CSNK1G1: variants seen among roughly 807,000 people sequenced by gnomAD.
The protein encoded by CSNK1G1 is casein kinase 1 gamma 1.
Under a neutral mutation model 59.6 loss-of-function variants are expected in CSNK1G1, and 22 were observed. The ratio of observed to expected loss-of-function variants is 0.37; its 90% CI spans 0.26 to 0.53. The LOEUF is 0.53. Among genes scored for constraint, CSNK1G1 ranks in the 20% least tolerant of loss-of-function variants. The pLI is 0.89. For synonymous variants in CSNK1G1, 179 were observed against 177.1 expected, an observed-to-expected ratio of 1.01 and a Z score of -0.08; for missense variants, 384 against 519.5, an observed-to-expected ratio of 0.74 and a Z score of 2.54.
intron 10 of CSNK1G1, among the ~76,000 whole-genome samples, chr15:64,190,157 T>C (rs796321181): frequency 2.6e-5 from 4 of 152,160 alleles, no homozygotes; most frequent in African/African-American, 9.6e-5. Flanking sequence ...CGAAGTCATA[T>C]GGACAAGAGT....
At chr15:64,240,133 C>G (rs1291570714) in intron 4 of CSNK1G1, among the ~76,000 whole-genome samples, 5 of 152,184 alleles carry the variant, frequency 3.3e-5, no homozygotes, top group Admixed American at 6.5e-5. Context: ...ACGCGGGAGG[C>G]TGAGGCAGGA....
At chr15:64,311,698 A>AAAAAAAG (rs1896006900) in intron 1 of CSNK1G1, among the ~76,000 whole-genome samples, 1 of 111,358 alleles carries the variant, frequency 9.0e-6, no homozygotes. Flanking sequence ...AAAAAAAAAA[A>AAAAAAAG]GCCACGGGGT....
intron 10 of CSNK1G1, among the ~76,000 whole-genome samples, chr15:64,187,187 C>A (rs1379765751): frequency 1.3e-5 from 2 of 151,222 alleles, no homozygotes; most frequent in Non-Finnish European, 2.9e-5. Context: ...CTTGTCCAAT[C>A]CATCATGGTT....
At chr15:64,193,699 C>G (rs2082003553) in intron 10 of CSNK1G1, among the ~76,000 whole-genome samples, 2 of 152,106 alleles carry the variant, frequency 1.3e-5, no homozygotes, top group Admixed American at 6.5e-5. Context: ...TATTCCCAGG[C>G]TCAACACTAT....
At chr15:64,340,754 G>A (rs1280105383) in intron 1 of CSNK1G1, among the ~76,000 whole-genome samples, 1 of 152,204 alleles carries the variant, frequency 6.6e-6, no homozygotes, top group African/African-American at 2.4e-5. Flanking sequence ...AGGAGCTCAA[G>A]ACCAGACTGG....
intron 2 of CSNK1G1, among the ~76,000 whole-genome samples, chr15:64,292,925 T>C (rs1320168097): frequency 6.7e-6 from 1 of 149,476 alleles, no homozygotes; most frequent in African/African-American, 2.5e-5. Context: ...AGACTCCATC[T>C]CATAAATAAA....
At chr15:64,299,425 A>G (rs563645404) in intron 2 of CSNK1G1, among the ~76,000 whole-genome samples, 1 of 151,950 alleles carries the variant, frequency 6.6e-6, no homozygotes, top group African/African-American at 2.4e-5. Context: ...TGTCTCTACT[A>G]AAAATACAAA....
chr15:64,289,304 T>G (rs1343192974), intron 2 of CSNK1G1, among the ~76,000 whole-genome samples: 2 of 152,186 alleles, frequency 1.3e-5, no homozygotes, highest in African/African-American at 2.4e-5. Context: ...GTGACACTTC[T>G]AAAATTACCA....
At chr15:64,296,589 G>A (rs928603701) in intron 2 of CSNK1G1, among the ~76,000 whole-genome samples, 1 of 152,154 alleles carries the variant, frequency 6.6e-6, no homozygotes, top group Non-Finnish European at 1.5e-5. Flanking sequence ...TGAAGGCTGG[G>A]TGCAGTGGCT....
chr15:64,253,748 T>A (rs1892215090), intron 3 of CSNK1G1, among the ~76,000 whole-genome samples: 1 of 152,132 alleles, frequency 6.6e-6, no homozygotes, highest in South Asian at 2.1e-4. Flanking sequence ...AAAAGGAAAT[T>A]CTGACACATG....
At chr15:64,355,864 C>G (rs1481255184) in intron 1 of CSNK1G1, 124 bp downstream of exon 1, 2 of 153,226 alleles carry the variant, frequency 1.3e-5, no homozygotes, top group Admixed American at 1.3e-4. Flanking sequence ...CCAGCCTGCG[C>G]CCCACCCGGG....
intron 4 of CSNK1G1, among the ~76,000 whole-genome samples, chr15:64,240,792 CT>C (rs1400684319): frequency 6.6e-6 from 1 of 152,054 alleles, no homozygotes; most frequent in Non-Finnish European, 1.5e-5. Flanking sequence ...CAAGAGAATC[CT>C]GCATCTGGAG....
intron 1 of CSNK1G1, among the ~76,000 whole-genome samples, chr15:64,311,434 G>A (rs1895990034): frequency 6.6e-6 from 1 of 152,130 alleles, no homozygotes; most frequent in African/African-American, 2.4e-5. Context: ...ATTTCCAGGT[G>A]TCAAAAAGGA....
chr15:64,266,265 T>C (rs548471414), intron 2 of CSNK1G1, among the ~76,000 whole-genome samples: 1 of 152,218 alleles, frequency 6.6e-6, no homozygotes, highest in Admixed American at 6.5e-5. Flanking sequence ...TTTCACCATA[T>C]TGGCCAGGAT....
chr15:64,166,219 A>G lies in CSNK1G1; in HGVS notation c.*5712T>C, dbSNP rs563373217. ...ATCAACATCCCAACATCTTTTTAAG[A>G]GTACAATGGGCAAAGATCAAAGACA... On this transcript the variant is annotated 3_prime_UTR_variant, in exon 12 of 12. Transcript: ENST00000303052. The surrounding 1 kb of genome is among the most constrained non-coding windows in gnomAD (Gnocchi z 4.5). 30 of 443,004 alleles carry G rather than the reference A, an allele frequency of 6.8e-5. No individual in the cohort carries two copies. The highest frequency in any genetic ancestry group is 2.6e-4 in the African/African-American group (13 of 49,438). The allele number at this position is 443,004 out of a possible 1,614,324, so 27.4% of individuals were successfully genotyped here. A position where few individuals can be genotyped will look rare whatever the true frequency, so the allele number is the denominator to read the frequency against.
intron 1 of CSNK1G1, among the ~76,000 whole-genome samples, chr15:64,350,335 T>C (rs1263834213): frequency 1.3e-5 from 2 of 151,732 alleles, no homozygotes; most frequent in Admixed American, 6.6e-5. Context: ...CTACTAAAAA[T>C]ACAAAAAGAA....
At chr15:64,288,913 G>A (rs964761734) in intron 2 of CSNK1G1, among the ~76,000 whole-genome samples, 7 of 152,030 alleles carry the variant, frequency 4.6e-5, no homozygotes, top group Non-Finnish European at 7.4e-5. Context: ...GGTGGCTCAT[G>A]CCTGTAATCC....
chr15:64,256,782 C>G (rs62021607), intron 3 of CSNK1G1, among the ~76,000 whole-genome samples: 2,608 of 152,166 alleles, frequency 0.017, 71 homozygotes, highest in African/African-American at 0.059. Context: ...AAAGAGTCCA[C>G]AATGAAGATC....
chr15:64,202,452 C>T (rs2140246106), intron 10 of CSNK1G1, among the ~76,000 whole-genome samples: 1 of 152,110 alleles, frequency 6.6e-6, no homozygotes, highest in Admixed American at 6.6e-5. Context: ...CCCAGAGTAG[C>T]CTCCAACAGG....
Sources: allele counts gnomAD v4.1 joint callset (sites outside exome capture counted in the v4.1 genomes callset), GRCh38; gene constraint gnomAD v4.1.1; non-coding constraint Gnocchi (gnomAD v3.1); transcripts MANE v1.5; gene names NCBI Gene and HGNC (gene_info 2026-07-23, HGNC 2026-07-21).